Variants in DYM observed in about 807,000 individuals in gnomAD.
DYM encodes dyggve-Melchior-Clausen syndrome protein.
In DYM, 78 loss-of-function variants were observed where a neutral mutation model predicts 93.1. That is an observed-to-expected ratio of 0.84 (90% CI 0.70 to 1.01). The LOEUF is 1.01. DYM is among the 50% of genes least tolerant of loss of function. The probability of loss-of-function intolerance (pLI) is 0.00; values close to 1 mark genes in which losing one functional copy is unlikely to be tolerated. For synonymous variants in DYM, 321 were observed against 319.7 expected, an observed-to-expected ratio of 1.00 and a Z score of -0.04; for missense variants, 789 against 845.0, an observed-to-expected ratio of 0.93 and a Z score of 0.82.
intron 13 of DYM, among the ~76,000 whole-genome samples, chr18:49,244,675 T>C (rs9962593): frequency 0.03 from 4,500 of 152,228 alleles, 215 homozygotes; most frequent in African/African-American, 0.1. Flanking sequence ...GGATCCAGTA[T>C]GTGTGTGACG....
chr18:49,345,555 T>C (rs111827490), intron 6 of DYM, among the ~76,000 whole-genome samples: 1 of 152,000 alleles, frequency 6.6e-6, no homozygotes, highest in Non-Finnish European at 1.5e-5. Flanking sequence ...TAGTACCACA[T>C]GCAGTCCCTA....
intron 14 of DYM, among the ~76,000 whole-genome samples, chr18:49,185,967 G>T (rs575873021): frequency 2.0e-5 from 3 of 152,120 alleles, no homozygotes; most frequent in Admixed American, 2.0e-4. Flanking sequence ...GTTTTTAAAG[G>T]ATTATTACGA....
At chr18:49,360,494 C>T (rs1814773) in intron 6 of DYM, among the ~76,000 whole-genome samples, 1 of 151,710 alleles carries the variant, frequency 6.6e-6, no homozygotes, top group Non-Finnish European at 1.5e-5. Context: ...TGGTGGCGCT[C>T]GTCTGTAATC....
chr18:49,360,561 G>A (rs187407966), intron 6 of DYM, among the ~76,000 whole-genome samples: 1 of 152,116 alleles, frequency 6.6e-6, no homozygotes, highest in African/African-American at 2.4e-5. Context: ...GGCGGAGGTT[G>A]CAGTGAGCTG....
At chr18:49,296,992 C>T (rs2060606739) in intron 8 of DYM, among the ~76,000 whole-genome samples, 1 of 152,124 alleles carries the variant, frequency 6.6e-6, no homozygotes, top group Admixed American at 6.5e-5. Context: ...AACTTATAAA[C>T]TTAATTTATT....
intron 16 of DYM, chr18:49,116,365 T>C (rs568440595): frequency 1.3e-5 from 2 of 152,260 alleles, no homozygotes; most frequent in East Asian, 1.9e-4. Flanking sequence ...GTGAAACCTT[T>C]ACCCACAAGC....
chr18:49,397,684 G>A (rs970554779), intron 2 of DYM, among the ~76,000 whole-genome samples: 3 of 152,104 alleles, frequency 2.0e-5, no homozygotes, highest in African/African-American at 7.2e-5. Flanking sequence ...AAAAACTGTG[G>A]AAGAAAACTG....
In DYM at chr18:49,037,856, G is replaced by C. The variant is rs896929876; in HGVS notation, c.*6199C>G. ...GACTTTTTTTCTGAGACAGGGTCTTGCTCTGTCACCCAAGCTGGAGTGCAG... is the reference window on the plus strand; with the variant it reads ...GACTTTTTTTCTGAGACAGGGTCTTCCTCTGTCACCCAAGCTGGAGTGCAG... On this transcript the variant is annotated 3_prime_UTR_variant, in exon 18 of 18. Coordinates refer to ENST00000675505, the MANE Select transcript of DYM (RefSeq NM_001353214.3). Among the ~76,000 whole-genome samples, 1 of 152,140 alleles carries C rather than the reference G, an allele frequency of 6.6e-6. No individual in the cohort carries two copies. Among genetic ancestry groups the C allele is most frequent in the Non-Finnish European group, 1.5e-5 (1 of 68,012 alleles).
intron 6 of DYM, among the ~76,000 whole-genome samples, chr18:49,357,569 G>A (rs1034741153): frequency 2.0e-5 from 3 of 152,156 alleles, no homozygotes; most frequent in African/African-American, 7.2e-5. Flanking sequence ...CACTTGCAGT[G>A]GAATATGCCT....
At chr18:49,290,180 T>C (rs1269038966) in intron 8 of DYM, among the ~76,000 whole-genome samples, 1 of 151,838 alleles carries the variant, frequency 6.6e-6, no homozygotes, top group Admixed American at 6.6e-5. Flanking sequence ...AACATATAAA[T>C]GCTCACCAGT....
chr18:49,407,290 T>C (rs552985269), intron 2 of DYM, among the ~76,000 whole-genome samples: 6 of 152,266 alleles, frequency 3.9e-5, no homozygotes, highest in African/African-American at 1.4e-4. Flanking sequence ...TAAAACGGTA[T>C]AGAGCTATAC....
intron 17 of DYM, among the ~76,000 whole-genome samples, chr18:49,065,107 A>G (rs181848372): frequency 6.6e-6 from 1 of 152,180 alleles, no homozygotes; most frequent in Non-Finnish European, 1.5e-5. Context: ...GAGAGTAACT[A>G]AAAAATACAA....
rs374716809 is a variant in DYM, at chr18:49,260,205, T to C, written c.1252-1712A>G. The stretch of plus-strand genomic sequence containing the variant: ...GGAGTTCAAGACCAGCCTGGCCCAA[T>C]GATGACTCTCTAAGAATACAAAAAA... On this transcript the variant is annotated intron_variant, in intron 11 of 17. Transcript: ENST00000675505. 1.3e-4 allele frequency among the ~76,000 whole-genome samples: 20 copies of C among 152,194 alleles called. No individual in the cohort carries two copies. The South Asian group carries it at 4.1e-3, about 32-fold the overall frequency.
chr18:49,083,152 C>A (rs1356038231), intron 17 of DYM, among the ~76,000 whole-genome samples: 1 of 152,186 alleles, frequency 6.6e-6, no homozygotes, highest in African/African-American at 2.4e-5. Flanking sequence ...ACAGACAATA[C>A]ATAAATAAGT....
At chr18:49,145,134 T>TATATATATATATATAAAA (rs1555778609) in intron 15 of DYM, among the ~76,000 whole-genome samples, 5 of 79,574 alleles carry the variant, frequency 6.3e-5, no homozygotes, top group Admixed American at 3.4e-4. Context: ...TATATATATA[T>TATATATATATATATAAAA]AATTTATATA....
At chr18:49,429,925 G>A (rs2074650202) in intron 2 of DYM, among the ~76,000 whole-genome samples, 1 of 152,172 alleles carries the variant, frequency 6.6e-6, no homozygotes, top group Non-Finnish European at 1.5e-5. Flanking sequence ...GCAAGGGACA[G>A]AACAGTACGT....
intron 14 of DYM, among the ~76,000 whole-genome samples, chr18:49,181,700 C>A (rs117396040): frequency 6.6e-6 from 1 of 152,182 alleles, no homozygotes; most frequent in East Asian, 1.9e-4. Flanking sequence ...CAAGATACAG[C>A]CCAAAATTAC....
At chr18:49,459,431 A>T (rs550735131) in intron 1 of DYM, among the ~76,000 whole-genome samples, 1 of 152,070 alleles carries the variant, frequency 6.6e-6, no homozygotes, top group Non-Finnish European at 1.5e-5. Context: ...CCATTCACCC[A>T]TTCCTATAGA....
intron 8 of DYM, among the ~76,000 whole-genome samples, chr18:49,290,681 C>T (rs1262382395): frequency 6.6e-6 from 1 of 151,924 alleles, no homozygotes; most frequent in Admixed American, 6.6e-5. Flanking sequence ...TATGCATGCT[C>T]CATTTGTTTT....
Sources: allele counts gnomAD v4.1 joint callset (sites outside exome capture counted in the v4.1 genomes callset), GRCh38; gene constraint gnomAD v4.1.1; transcripts MANE v1.5; gene names NCBI Gene and HGNC (gene_info 2026-07-23, HGNC 2026-07-21).